SCAF11: variants seen among roughly 807,000 people sequenced by gnomAD.
The protein encoded by SCAF11 is protein SCAF11.
SCAF11 carries 47 observed loss-of-function variants against 140.5 expected under a neutral mutation model. The ratio of observed to expected loss-of-function variants is 0.33; its 90% CI spans 0.26 to 0.43. The LOEUF is 0.43. SCAF11 is among the 20% of genes least tolerant of loss of function. The probability of loss-of-function intolerance (pLI) is 1.00; values close to 1 mark genes in which losing one functional copy is unlikely to be tolerated. For missense variants in SCAF11, 1,645 were observed against 1,705.1 expected (o/e 0.96, Z 0.62); for synonymous variants, 557 against 579.4 (o/e 0.96, Z 0.55).
intron 9 of SCAF11, among the ~76,000 whole-genome samples, chr12:45,932,090 G>A (rs1473199369): frequency 6.6e-6 from 1 of 152,002 alleles, no homozygotes; most frequent in Admixed American, 6.6e-5. Flanking sequence ...TCAAGAAAGA[G>A]AACATTTCTG....
Position 45,926,769 on chromosome 12 carries a change from G to A in SCAF11, c.2932C>T (p.Pro978Ser), listed in dbSNP as rs1944875102. 1.2e-6 allele frequency: 2 copies of A among 1,614,014 alleles called. No individual in the cohort carries two copies. Among genetic ancestry groups the A allele is most frequent in the East Asian group, 4.5e-5 (2 of 44,882 alleles). ...TTTCTGTACCGATCATTTCCTCGTGGACATCTCCAACCATCATTTGCCCAT... is the reference window on the plus strand; with the variant it reads ...TTTCTGTACCGATCATTTCCTCGTGAACATCTCCAACCATCATTTGCCCAT... ...GRWANDGWRC[P>S]RGNDRYRKND... Residue 978 changes from proline (P) to serine (S), a missense_variant, in exon 11 of 15, where the codon CCA (proline) becomes TCA (serine). By Grantham distance (74) the Pro-to-Ser change is moderately conservative (BLOSUM62 -1). This residue lies in a region of SCAF11 where 1,582 missense variants were observed against 1,609.2 expected (regional missense o/e 0.98). Transcript: ENST00000369367.
chr12:45,972,943 T>TATATATAGATATATATATAG (rs1946130701), intron 1 of SCAF11, among the ~76,000 whole-genome samples: 3 of 59,184 alleles, frequency 5.1e-5, no homozygotes, highest in African/African-American at 1.5e-4. Context: ...TATATAGATA[T>TATATATAGATATATATATAG]ATATATAGAT....
At chr12:45,983,338 C>T (rs1359662968) in intron 1 of SCAF11, among the ~76,000 whole-genome samples, 1 of 152,114 alleles carries the variant, frequency 6.6e-6, no homozygotes, top group African/African-American at 2.4e-5. Context: ...CCCTAGGGCA[C>T]AGACCTAATA....
At chr12:45,955,096 A>AT (rs1280831516) in intron 3 of SCAF11, 1 of 152,172 alleles carries the variant, frequency 6.6e-6, no homozygotes, top group East Asian at 1.9e-4. Flanking sequence ...TATAAAATGT[A>AT]ATTACCTAAA....
intron 6 of SCAF11, among the ~76,000 whole-genome samples, chr12:45,939,109 A>T (rs1945237590): frequency 6.6e-6 from 1 of 151,392 alleles, no homozygotes; most frequent in Admixed American, 6.6e-5. Flanking sequence ...TATATGAGAA[A>T]ACTAGACAGT....
chr12:45,988,453 G>A (rs1565698661), intron 1 of SCAF11, among the ~76,000 whole-genome samples: 1 of 152,172 alleles, frequency 6.6e-6, no homozygotes. Flanking sequence ...TATCTCTGCT[G>A]AATAAAAGCA....
intron 6 of SCAF11, chr12:45,945,027 GCA>G: frequency 2.5e-5 from 12 of 475,960 alleles, no homozygotes; most frequent in Middle Eastern, 5.4e-4. Context: ...CCCAACACAC[GCA>G]CACACACACC....
intron 6 of SCAF11, among the ~76,000 whole-genome samples, chr12:45,939,001 T>C (rs1378565070): frequency 2.0e-5 from 3 of 148,684 alleles, no homozygotes; most frequent in Non-Finnish European, 3.0e-5. Flanking sequence ...TTATCTAGTA[T>C]GACAGAAGAA....
At chr12:45,946,217 TG>T (rs1227606240) in intron 5 of SCAF11, among the ~76,000 whole-genome samples, 1 of 152,232 alleles carries the variant, frequency 6.6e-6, no homozygotes, top group Admixed American at 6.5e-5. Context: ...ATGCCTTCTT[TG>T]GAACTGGTAA....
intron 2 of SCAF11, among the ~76,000 whole-genome samples, chr12:45,963,657 A>C (rs1162847402): frequency 1.3e-5 from 2 of 152,154 alleles, no homozygotes; most frequent in Non-Finnish European, 2.9e-5. Context: ...ACATCATCTA[A>C]CTGGTGGTGT....
At chr12:45,930,445 G>GTTTTTTTTTTTT (rs1262102132) in intron 10 of SCAF11, among the ~76,000 whole-genome samples, 5 of 123,714 alleles carry the variant, frequency 4.0e-5, no homozygotes, top group African/African-American at 1.7e-4. Flanking sequence ...GTTGTGTTTT[G>GTTTTTTTTTTTT]TTTTTTTTTT....
chr12:45,937,153 T>G lies in SCAF11; in HGVS notation c.464-2648A>C, dbSNP rs1276737051. Among the ~76,000 whole-genome samples the G allele has an allele frequency of 1.3e-5, 2 of 152,094 alleles. 1 individual carries two copies. Among genetic ancestry groups the G allele is most frequent in the East Asian group, 3.8e-4 (2 of 5,204 alleles). Reference sequence around the variant, plus strand: ...TTGTATTACTTTTTTAAAAATAAATTTTTGCATTTTTCCTTCCTGAAATTT... The same window carrying G: ...TTGTATTACTTTTTTAAAAATAAATGTTTGCATTTTTCCTTCCTGAAATTT... On this transcript the variant is annotated intron_variant, in intron 6 of 14. Transcript: ENST00000369367.
At chr12:45,942,024 AT>A (rs1296324645) in intron 6 of SCAF11, among the ~76,000 whole-genome samples, 2 of 152,164 alleles carry the variant, frequency 1.3e-5, no homozygotes, top group African/African-American at 4.8e-5. Flanking sequence ...CAGTAAATGT[AT>A]TTTCTCATCC....
Position 45,990,400 on chromosome 12 carries a change from G to A in SCAF11, c.-69C>T, listed in dbSNP as rs1288772336. ...CGGTCCGGCCGCGGCCCCACAGTAGGTTCCCAGGTCCCAGTCACTCCGCTG... is the reference window on the plus strand; with the variant it reads ...CGGTCCGGCCGCGGCCCCACAGTAGATTCCCAGGTCCCAGTCACTCCGCTG... On this transcript the variant is annotated 5_prime_UTR_variant, in exon 1 of 15. Coordinates refer to ENST00000369367, the MANE Select transcript of SCAF11 (RefSeq NM_004719.3). 8.1e-7 allele frequency: 1 copy of A among 1,232,426 alleles called. No individual in the cohort carries two copies. Among genetic ancestry groups the A allele is most frequent in the Non-Finnish European group, 1.0e-6 (1 of 988,720 alleles). 76.3% of individuals were successfully genotyped at this position (1,232,426 alleles called of 1,614,324 possible). A position where few individuals can be genotyped will look rare whatever the true frequency, so the allele number is the denominator to read the frequency against.
At chr12:45,922,619 G>C in intron 13 of SCAF11, 37 bp from the exon 14 acceptor site, 1 of 1,555,218 alleles carries the variant, frequency 6.4e-7, no homozygotes, top group Non-Finnish European at 8.6e-7. Context: ...TTATTTGCCA[G>C]TCATACTGCT....
chr12:45,954,569 CTT>C (rs36060348), intron 3 of SCAF11, among the ~76,000 whole-genome samples: 127 of 128,998 alleles, frequency 9.8e-4, no homozygotes, highest in Non-Finnish European at 8.7e-4. Context: ...TAAGCTGTTA[CTT>C]TTTTTTTTTT....
intron 4 of SCAF11, among the ~76,000 whole-genome samples, chr12:45,950,896 C>A: frequency 6.6e-6 from 1 of 152,100 alleles, no homozygotes; most frequent in South Asian, 2.1e-4. Flanking sequence ...CTCCTATTAA[C>A]GGCATCACTT....
chr12:45,961,042 A>G (rs1945814490), intron 3 of SCAF11: 1 of 340,846 alleles, frequency 2.9e-6, no homozygotes, highest in Non-Finnish European at 5.3e-6. Context: ...AGTCAACATA[A>G]TACATTAAAA....
At chr12:45,922,663 T>A in intron 13 of SCAF11, 81 bp from the exon 14 acceptor site, 1 of 1,347,580 alleles carries the variant, frequency 7.4e-7, no homozygotes, top group Non-Finnish European at 1.0e-6. Flanking sequence ...TTGAAAATAC[T>A]TCATATTTAC....
Sources: gnomAD v4.1 joint callset for allele counts (sites outside exome capture counted in the v4.1 genomes callset) on GRCh38, gnomAD v4.1.1 for gene constraint, gnomAD v4.1.1 regional missense constraint, MANE v1.5 for transcripts, NCBI Gene and HGNC (gene_info 2026-07-23, HGNC 2026-07-21) for gene names.